TBC1D32: variants seen among roughly 807,000 people sequenced by gnomAD.
TBC1D32 encodes the protein protein broad-minded.
TBC1D32 carries 151 observed loss-of-function variants against 170.3 expected under a neutral mutation model. That is an observed-to-expected ratio of 0.89 (90% confidence interval 0.78 to 1.01). The LOEUF is 1.01. Ranked by LOEUF, TBC1D32 falls within the 50% of genes least tolerant of loss-of-function variation. The pLI is 0.00. For synonymous variants in TBC1D32, 498 were observed against 488.0 expected, an observed-to-expected ratio of 1.02 and a Z score of -0.27; for missense variants, 1,464 against 1,457.1, an observed-to-expected ratio of 1.00 and a Z score of -0.08.
intron 15 of TBC1D32, among the ~76,000 whole-genome samples, chr6:121,263,403 T>A (rs1215664806): frequency 1.3e-5 from 2 of 152,148 alleles, no homozygotes; most frequent in East Asian, 3.9e-4. Flanking sequence ...ATCCGAAATA[T>A]ACATGCACCC....
At chr6:121,276,079 C>T (rs1802167216) in intron 15 of TBC1D32, among the ~76,000 whole-genome samples, 1 of 146,702 alleles carries the variant, frequency 6.8e-6, no homozygotes, top group Admixed American at 6.8e-5. Context: ...GAGTTCACGC[C>T]ACAGCACTCC....
rs372997464 is a variant in TBC1D32 at position 121,292,074 on chromosome 6, T to G, written c.1351A>C (p.Ile451Leu). 1.3e-6 allele frequency: 2 copies of G among 1,591,146 alleles called. No homozygotes were observed. The change falls in exon 12 of 32, where the codon ATT becomes CTT. Residue 451 changes from isoleucine (I) to leucine (L), a missense_variant. Ile to Leu is a conservative substitution (Grantham distance 5, BLOSUM62 2). Transcript: ENST00000398212. ...TTACCTTTTTTATTCTTCAGCTTAA[T>G]AGGAAATAGTTTTCTGCCTTGTTTA... is the stretch of plus-strand genomic sequence containing the variant. ...IYKQGRKLFP[I>L]KLKNKKGLVS...
At chr6:121,174,748 G>A (rs1787523891) in intron 22 of TBC1D32, among the ~76,000 whole-genome samples, 1 of 152,082 alleles carries the variant, frequency 6.6e-6, no homozygotes, top group African/African-American at 2.4e-5. Flanking sequence ...AAGAGTAAAG[G>A]GACCAGGCAT....
upstream of TBC1D32, chr6:121,334,484 G>A: frequency 3.9e-6 from 6 of 1,553,612 alleles, no homozygotes; most frequent in South Asian, 7.0e-5. Flanking sequence ...CAAAAGCCGC[G>A]CACTGCGCAC....
In TBC1D32 at chr6:121,114,219, T is replaced by C. The variant is rs117699049; in HGVS notation, c.3053+953A>G. Among the ~76,000 whole-genome samples, 319 of 152,274 alleles carry C rather than the reference T, an allele frequency of 2.1e-3. 1 individual carries two copies. The highest frequency in any genetic ancestry group is 3.4e-3 in the Non-Finnish European group (232 of 68,002). On this transcript the variant is annotated intron_variant, in intron 27 of 31. Transcript: ENST00000398212. ...TTTGCTCGTGGCCACACTGTAGTAT[T>C]TGAGGCATGAAAAGAAAAATCCGTC...
intron 24 of TBC1D32, among the ~76,000 whole-genome samples, chr6:121,154,300 T>C (rs1181387197): frequency 6.6e-6 from 1 of 152,068 alleles, no homozygotes; most frequent in Non-Finnish European, 1.5e-5. Flanking sequence ...CCTGCTTCTG[T>C]TCACCCTCCG....
chr6:121,258,818 A>ACTAG (rs1186087815), intron 15 of TBC1D32, among the ~76,000 whole-genome samples: 4 of 152,128 alleles, frequency 2.6e-5, no homozygotes, highest in Non-Finnish European at 5.9e-5. Context: ...AATTCAATCA[A>ACTAG]CTAGCCTCTT....
intron 29 of TBC1D32, among the ~76,000 whole-genome samples, chr6:121,110,316 T>G (rs931449542): frequency 6.6e-6 from 1 of 151,112 alleles, no homozygotes; most frequent in Non-Finnish European, 1.5e-5. Context: ...CATACATTTA[T>G]TGAGTGATTA....
intron 20 of TBC1D32, among the ~76,000 whole-genome samples, chr6:121,235,840 TTCTG>T (rs1796273286): frequency 6.6e-6 from 1 of 152,246 alleles, no homozygotes; most frequent in Non-Finnish European, 1.5e-5. Flanking sequence ...CCACACAATG[TTCTG>T]TCTGTCTGAG....
intron 26 of TBC1D32, among the ~76,000 whole-genome samples, chr6:121,122,910 T>A (rs994600464): frequency 6.6e-6 from 1 of 151,986 alleles, no homozygotes; most frequent in African/African-American, 2.4e-5. Flanking sequence ...AGGGGCAGGA[T>A]AATGTAAGAT....
intron 17 of TBC1D32, among the ~76,000 whole-genome samples, chr6:121,245,953 T>C (rs1333227246): frequency 6.6e-6 from 1 of 151,998 alleles, no homozygotes; most frequent in Non-Finnish European, 1.5e-5. Context: ...CCTCAGTACA[T>C]CTAATTGAGA....
chr6:121,197,367 G>A (rs948068090), intron 22 of TBC1D32, among the ~76,000 whole-genome samples: 2 of 152,142 alleles, frequency 1.3e-5, no homozygotes, highest in African/African-American at 4.8e-5. Flanking sequence ...GGTACTGAAG[G>A]CAAAGGGAAT....
chr6:121,306,575 A>T (rs76051064), intron 5 of TBC1D32, among the ~76,000 whole-genome samples: 3,638 of 152,272 alleles, frequency 0.024, 160 homozygotes, highest in East Asian at 0.12. Flanking sequence ...TAAAGCCAAA[A>T]CTATCTTCAC....
rs144331411 is a variant in TBC1D32, at chr6:121,219,083, C to G, written c.2481+4153G>C. On this transcript the variant is annotated intron_variant, in intron 21 of 31. Coordinates refer to ENST00000398212, the MANE Select transcript of TBC1D32 (RefSeq NM_152730.6). The stretch of plus-strand genomic sequence containing the variant: ...GAATTACATATTTATTGGGTTTTGG[C>G]AGAACAATTTAAGTTAGGTAGTTGG... Among the ~76,000 whole-genome samples, 33 of 152,154 alleles carry G rather than the reference C, an allele frequency of 2.2e-4. 1 individual carries two copies. The East Asian group carries it at 6.0e-3, about 28-fold the overall frequency.
intron 18 of TBC1D32, 136 bp from the exon 19 acceptor site, chr6:121,241,688 G>A: frequency 1.3e-6 from 1 of 768,562 alleles, no homozygotes; most frequent in East Asian, 2.7e-5. Flanking sequence ...ATCTTAAAAA[G>A]CCCAAAAGTC....
chr6:121,278,822 T>C (rs544341814), intron 15 of TBC1D32, among the ~76,000 whole-genome samples: 1 of 151,910 alleles, frequency 6.6e-6, no homozygotes. Context: ...AAATAGGAAC[T>C]AGAGGAGGAA....
chr6:121,319,185 T>C (rs1809343151), intron 2 of TBC1D32, among the ~76,000 whole-genome samples: 2 of 151,794 alleles, frequency 1.3e-5, no homozygotes, highest in Admixed American at 1.3e-4. Context: ...TGAAAGCAGA[T>C]GGAAATAAAT....
intron 4 of TBC1D32, among the ~76,000 whole-genome samples, chr6:121,309,241 G>C (rs553528465): frequency 1.3e-5 from 2 of 152,074 alleles, no homozygotes; most frequent in African/African-American, 4.8e-5. Flanking sequence ...GAAATTTTTA[G>C]GAAAAAATGC....
intron 1 of TBC1D32, among the ~76,000 whole-genome samples, chr6:121,323,236 TATCA>T (rs1207091604): frequency 6.6e-6 from 1 of 152,196 alleles, no homozygotes; most frequent in East Asian, 1.9e-4. Context: ...CTTTTTTCTC[TATCA>T]ATCAGTACAA....
Sources: allele counts gnomAD v4.1 joint callset (sites outside exome capture counted in the v4.1 genomes callset), GRCh38; gene constraint gnomAD v4.1.1; transcripts MANE v1.5; gene names NCBI Gene and HGNC (gene_info 2026-07-23, HGNC 2026-07-21).